SLC66A2: variants seen among roughly 807,000 people sequenced by gnomAD.
SLC66A2 encodes the protein PQ loop repeat containing 1.
Under a neutral mutation model 25.5 loss-of-function variants are expected in SLC66A2, and 23 were observed. The observed-to-expected ratio is 0.90, with a 90% CI of 0.65 to 1.28. The LOEUF (loss-of-function observed/expected upper bound fraction) is 1.28. Ranked by LOEUF, SLC66A2 falls within the 50% of genes most tolerant of loss-of-function variation. SLC66A2 has a pLI of 0.00. For missense variants in SLC66A2, 396 were observed against 373.1 expected (o/e 1.06, Z -0.51); for synonymous variants, 193 against 166.5 (o/e 1.16, Z -1.23).
intron 3 of SLC66A2, among the ~76,000 whole-genome samples, chr18:79,939,327 A>G (rs1987426052): frequency 6.6e-6 from 1 of 152,204 alleles, no homozygotes; most frequent in Non-Finnish European, 1.5e-5. Flanking sequence ...CCCCCTTGGC[A>G]TGTCCTCACC....
At chr18:79,944,842 G>A (rs1459517273) in intron 2 of SLC66A2, among the ~76,000 whole-genome samples, 7 of 151,364 alleles carry the variant, frequency 4.6e-5, no homozygotes, top group Admixed American at 2.0e-4. Context: ...CCCTTAACAC[G>A]AAGCAGAAGA....
chr18:79,936,680 A>T (rs1189028859), intron 3 of SLC66A2, among the ~76,000 whole-genome samples: 1 of 152,268 alleles, frequency 6.6e-6, no homozygotes, highest in Non-Finnish European at 1.5e-5. Flanking sequence ...ATGATAAAAC[A>T]AAGTTAAACT....
At position 79,903,883 on chromosome 18, in the gene SLC66A2, C is replaced by T; in HGVS notation, c.*93G>A. Reference sequence around the variant, plus strand: ...TGCCCATGCCCCATCTCTGCCACACCTGCAGGGGCCACAGCACCCACCCTC... The same window carrying T: ...TGCCCATGCCCCATCTCTGCCACACTTGCAGGGGCCACAGCACCCACCCTC... On this transcript the variant is annotated 3_prime_UTR_variant, in exon 6 of 6. Transcript: ENST00000397778. 1 of 1,203,640 alleles carries T rather than the reference C, an allele frequency of 8.3e-7. No homozygotes were observed. 74.6% of individuals were successfully genotyped at this position (1,203,640 alleles called of 1,614,324 possible). A position where few individuals can be genotyped will look rare whatever the true frequency, so the allele number is the denominator to read the frequency against.
intron 2 of SLC66A2, among the ~76,000 whole-genome samples, chr18:79,948,523 T>C (rs2051009302): frequency 6.6e-6 from 1 of 152,166 alleles, no homozygotes; most frequent in Non-Finnish European, 1.5e-5. Context: ...CAATTTTTTG[T>C]AGAGACGGTG....
At chr18:79,914,023 C>T (rs1328353540) in intron 5 of SLC66A2, among the ~76,000 whole-genome samples, 1 of 152,198 alleles carries the variant, frequency 6.6e-6, no homozygotes, top group Non-Finnish European at 1.5e-5. Context: ...ATTCTCCTGC[C>T]TCAGCTTCCT....
chr18:79,913,520 T>C (rs1197737611), intron 5 of SLC66A2, among the ~76,000 whole-genome samples: 1 of 152,260 alleles, frequency 6.6e-6, no homozygotes, highest in Non-Finnish European at 1.5e-5. Flanking sequence ...TAGTATTTTC[T>C]AAAGGGAAGT....
chr18:79,940,324 C>T lies in SLC66A2; in HGVS notation c.337+3005G>A, dbSNP rs934194562. ...GTGATGAAATAATCTGCACACTGGCCGGGCGCAGTGGGTCACGCCCGTAAT... is the reference window on the plus strand; with the variant it reads ...GTGATGAAATAATCTGCACACTGGCTGGGCGCAGTGGGTCACGCCCGTAAT... On this transcript the variant is annotated intron_variant, in intron 3 of 5. Transcript: ENST00000397778. The surrounding 1 kb of genome is among the most constrained non-coding windows in gnomAD (Gnocchi z 4.1). 2.0e-5 allele frequency among the ~76,000 whole-genome samples: 3 copies of T among 152,096 alleles called. No individual in the cohort carries two copies. The highest frequency in any genetic ancestry group is 2.4e-5 in the African/African-American group (1 of 41,494).
chr18:79,935,178 G>A (rs1986956726), intron 3 of SLC66A2: 1 of 152,232 alleles, frequency 6.6e-6, no homozygotes, highest in African/African-American at 2.4e-5. Flanking sequence ...AGTCCACACT[G>A]TTTCCCTTCT....
chr18:79,942,766 C>G (rs2144945229), intron 3 of SLC66A2, among the ~76,000 whole-genome samples: 1 of 152,284 alleles, frequency 6.6e-6, no homozygotes, highest in Middle Eastern at 3.4e-3. Context: ...TCTAAGCTGC[C>G]AAAGGTTAAG....
At position 79,937,627 on chromosome 18, in the gene SLC66A2, T is replaced by C. The variant is rs557214553; in HGVS notation, c.338-3605A>G. ...CCCTGATGAGCTGACGGCCTCAGCA[T>C]GAGCCCCACAGTGGCCGCTGACCAC... is the stretch of plus-strand genomic sequence containing the variant. On this transcript the variant is annotated intron_variant, in intron 3 of 5. Transcript: ENST00000397778. This position sits in a 1 kb window ranked among gnomAD's most constrained non-coding sequence, Gnocchi z 5.4. 6.6e-6 allele frequency among the ~76,000 whole-genome samples: 1 copy of C among 152,292 alleles called. No individual in the cohort carries two copies. Among genetic ancestry groups the C allele is most frequent in the African/African-American group, 2.4e-5 (1 of 41,564 alleles).
intron 4 of SLC66A2, among the ~76,000 whole-genome samples, chr18:79,923,619 G>T (rs1985561279): frequency 6.6e-6 from 1 of 152,080 alleles, no homozygotes; most frequent in South Asian, 2.1e-4. Context: ...CTACAAATAA[G>T]ACCTGAAACT....
chr18:79,950,112 G>A (rs924979016), intron 2 of SLC66A2, among the ~76,000 whole-genome samples: 1 of 152,124 alleles, frequency 6.6e-6, no homozygotes, highest in African/African-American at 2.4e-5. Flanking sequence ...GAGGCCCAGT[G>A]GGGAGGGATG....
At chr18:79,914,640 G>A (rs1019759783) in intron 5 of SLC66A2, among the ~76,000 whole-genome samples, 7 of 152,320 alleles carry the variant, frequency 4.6e-5, no homozygotes, top group South Asian at 2.1e-4. Flanking sequence ...TCCACGGAGC[G>A]GTGGCCTGGA....
intron 5 of SLC66A2, among the ~76,000 whole-genome samples, chr18:79,911,971 G>A (rs937359288): frequency 7.1e-6 from 1 of 141,208 alleles, no homozygotes; most frequent in Non-Finnish European, 1.5e-5. Context: ...GAGGGGACAG[G>A]AGCAGTGAGG....
At chr18:79,925,238 C>G (rs1288114527) in intron 4 of SLC66A2, among the ~76,000 whole-genome samples, 1 of 152,132 alleles carries the variant, frequency 6.6e-6, no homozygotes, top group African/African-American at 2.4e-5. Flanking sequence ...GCCAGGCCCC[C>G]GCACTGCTGA....
At chr18:79,933,713 C>T (rs1986793464) in intron 4 of SLC66A2, among the ~76,000 whole-genome samples, 1 of 152,270 alleles carries the variant, frequency 6.6e-6, no homozygotes, top group South Asian at 2.1e-4. Flanking sequence ...TTTTCTCCTC[C>T]CTTCCTGTCT....
In SLC66A2 at chr18:79,950,908, C is replaced by G. The variant is rs2145006279; in HGVS notation, c.19G>C (p.Asp7His). The stretch of plus-strand genomic sequence containing the variant: ...TGGTGCAGTGGCACCAGGAGCCAGT[C>G]CAGGCCCTCGGCCTCCATCGCAGCG... Reference protein sequence around the residue: MEAEGLDWLLVPLHQLV... With the variant: MEAEGLHWLLVPLHQLV... The change falls in exon 2 of 6, where the codon GAC becomes CAC. Residue 7 changes from aspartate (D) to histidine (H), a missense_variant. Asp to His is a moderately conservative substitution (Grantham distance 81). Coordinates refer to ENST00000397778, the MANE Select transcript of SLC66A2 (RefSeq NM_025078.5). 2 of 1,582,404 alleles carry G rather than the reference C, an allele frequency of 1.3e-6. No individual in the cohort carries two copies. The highest frequency in any genetic ancestry group is 2.3e-5 in the South Asian group (2 of 87,930).
rs962445760 is a variant in SLC66A2, at chr18:79,951,638, G to A, written c.-157C>T. ...GTCCCCGCGCCGCTGACCCGCGCGCGTCTCGGCGTCAGTCCGCTCAGGCGC... is the reference window on the plus strand; with the variant it reads ...GTCCCCGCGCCGCTGACCCGCGCGCATCTCGGCGTCAGTCCGCTCAGGCGC... On this transcript the variant is annotated 5_prime_UTR_variant, in exon 1 of 6. The change creates a new upstream start codon in the 5' untranslated region. Coordinates refer to ENST00000397778, the MANE Select transcript of SLC66A2 (RefSeq NM_025078.5). 1 of 151,630 alleles carries A rather than the reference G, an allele frequency of 6.6e-6. No individual in the cohort carries two copies. Among genetic ancestry groups the A allele is most frequent in the African/African-American group, 2.4e-5 (1 of 41,300 alleles). The allele number at this position is 151,630 out of a possible 1,614,324, so 9.4% of individuals were successfully genotyped here.
At chr18:79,931,035 A>G (rs567863815) in intron 4 of SLC66A2, among the ~76,000 whole-genome samples, 1 of 152,384 alleles carries the variant, frequency 6.6e-6, no homozygotes, top group East Asian at 1.9e-4. Context: ...TAAGATGAAT[A>G]TTGTAAGCCT....
Sources: allele counts gnomAD v4.1 joint callset (sites outside exome capture counted in the v4.1 genomes callset), GRCh38; gene constraint gnomAD v4.1.1; non-coding constraint Gnocchi (gnomAD v3.1); transcripts MANE v1.5; gene names NCBI Gene and HGNC (gene_info 2026-07-23, HGNC 2026-07-21).